Variants in STRN3 observed in about 807,000 individuals in gnomAD.
The protein encoded by STRN3 is striatin-3.
In STRN3, 29 loss-of-function variants were observed where a neutral mutation model predicts 95.6. The ratio of observed to expected loss-of-function variants is 0.30; its 90% CI spans 0.23 to 0.41. The LOEUF (loss-of-function observed/expected upper bound fraction) is 0.41, where lower values mean the gene tolerates loss of function less well. Ranked by LOEUF, STRN3 falls within the 10% of genes least tolerant of loss-of-function variation. STRN3 has a pLI of 1.00. For synonymous variants in STRN3, 331 were observed against 357.6 expected, an observed-to-expected ratio of 0.93 and a Z score of 0.84; for missense variants, 890 against 972.1, an observed-to-expected ratio of 0.92 and a Z score of 1.12.
At chr14:30,934,629 T>C (rs922166995) in intron 7 of STRN3, among the ~76,000 whole-genome samples, 15 of 152,276 alleles carry the variant, frequency 9.9e-5, no homozygotes, top group African/African-American at 3.4e-4. Context: ...CTGAATATTA[T>C]AGGCAATAAA....
At chr14:30,924,126 T>C (rs750752318) in intron 8 of STRN3, among the ~76,000 whole-genome samples, 1 of 150,606 alleles carries the variant, frequency 6.6e-6, no homozygotes, top group Non-Finnish European at 1.5e-5. Context: ...GACTGTACTG[T>C]GGTCATACAT....
intron 1 of STRN3, among the ~76,000 whole-genome samples, chr14:30,957,468 A>ATGAG (rs1555320672): frequency 7.2e-6 from 1 of 139,112 alleles, no homozygotes; most frequent in Non-Finnish European, 1.5e-5. Flanking sequence ...AAAAAAAAAA[A>ATGAG]AGAGAGAGAG....
intron 9 of STRN3, among the ~76,000 whole-genome samples, chr14:30,917,635 T>A (rs1896774636): frequency 6.6e-6 from 1 of 152,134 alleles, no homozygotes. Context: ...ATAGTGGAAA[T>A]GAGATCTGAA....
rs187750263 is a variant in STRN3 at position 30,934,417 on chromosome 14, T to G, written c.988+746A>C. ...TACCTACCACACAACATGCTGATAT[T>G]AAATGAGGATTGCATGAATGTATTT... On this transcript the variant is annotated intron_variant, in intron 7 of 17. Coordinates refer to ENST00000357479, the MANE Select transcript of STRN3 (RefSeq NM_001083893.2). Among the ~76,000 whole-genome samples, 4 of 152,354 alleles carry G rather than the reference T, an allele frequency of 2.6e-5. No individual in the cohort carries two copies. The East Asian group carries it at 7.7e-4, about 29-fold the overall frequency.
intron 1 of STRN3, among the ~76,000 whole-genome samples, chr14:30,961,750 C>T (rs987202580): frequency 5.9e-5 from 9 of 152,138 alleles, no homozygotes; most frequent in African/African-American, 1.7e-4. Flanking sequence ...GCTTAAGGCT[C>T]GGGCCACCAG....
intron 1 of STRN3, among the ~76,000 whole-genome samples, chr14:30,956,789 T>C (rs573618393): frequency 3.0e-4 from 45 of 152,316 alleles, no homozygotes; most frequent in Non-Finnish European, 6.3e-4. Context: ...TGTCCACAAG[T>C]AGATAAATAC....
Position 31,025,887 on chromosome 14 carries a change from C to T in STRN3, c.282+17G>A. ...CCCAGCCGCCGCAGCTCCCGCACAC[C>T]GACCCCAACGAGGTACCTGCAGTTC... is the stretch of plus-strand genomic sequence containing the variant. On this transcript the variant is annotated intron_variant, in intron 1 of 17. Transcript: ENST00000357479. 3 of 1,594,074 alleles carry T rather than the reference C, an allele frequency of 1.9e-6. No homozygotes were observed. The highest frequency in any genetic ancestry group is 4.6e-5 in the East Asian group (2 of 43,364).
intron 4 of STRN3, among the ~76,000 whole-genome samples, chr14:30,950,188 G>C (rs1879568944): frequency 6.6e-6 from 1 of 152,006 alleles, no homozygotes; most frequent in African/African-American, 2.4e-5. Context: ...AAAGTCAGAG[G>C]GCAAATAACA....
chr14:30,950,833 AAAG>A lies in STRN3; in HGVS notation c.542+27_542+29del, dbSNP rs1879602702. 7.5e-6 allele frequency: 12 copies of A among 1,599,312 alleles called. No homozygotes were observed. The East Asian group carries it at 2.7e-4, about 36-fold the overall frequency. On this transcript the variant is annotated intron_variant, in intron 4 of 17. Transcript: ENST00000357479. ...TAAGCACTTTCATACCTAGATCCTT[AAAG>A]AAGGTTGAAAATAAGTAATTACTCA...
chr14:30,967,242 G>A (rs908565024), intron 1 of STRN3, among the ~76,000 whole-genome samples: 1 of 142,024 alleles, frequency 7.0e-6, no homozygotes, highest in Non-Finnish European at 1.5e-5. Flanking sequence ...GGGGCAGGGT[G>A]GGGGGGAAGA....
chr14:30,965,528 A>G (rs1189717464), intron 1 of STRN3, among the ~76,000 whole-genome samples: 2 of 152,070 alleles, frequency 1.3e-5, no homozygotes, highest in Non-Finnish European at 1.5e-5. Flanking sequence ...TCTAAAAAAA[A>G]ACAAAAAGAG....
At chr14:31,016,484 T>C (rs1883240204) in intron 1 of STRN3, among the ~76,000 whole-genome samples, 1 of 152,074 alleles carries the variant, frequency 6.6e-6, no homozygotes, top group Middle Eastern at 3.4e-3. Context: ...TATCCAAGGG[T>C]TCCCCATTCA....
intron 1 of STRN3, among the ~76,000 whole-genome samples, chr14:31,019,744 C>T (rs549160198): frequency 3.3e-5 from 5 of 152,118 alleles, no homozygotes; most frequent in South Asian, 4.2e-4. Flanking sequence ...GAAGAGGCTC[C>T]ACAGCATTCA....
At chr14:31,007,890 T>G (rs1185080581) in intron 1 of STRN3, among the ~76,000 whole-genome samples, 5 of 152,262 alleles carry the variant, frequency 3.3e-5, no homozygotes, top group African/African-American at 1.2e-4. Flanking sequence ...AGACCCTGTC[T>G]CCGAAGTAAA....
At chr14:30,929,963 A>AAACAAAAC (rs1303910441) in intron 7 of STRN3, among the ~76,000 whole-genome samples, 1 of 147,428 alleles carries the variant, frequency 6.8e-6, no homozygotes, top group African/African-American at 2.5e-5. Context: ...GCAAAAAAAA[A>AAACAAAAC]AAAAAAAAAA....
chr14:30,946,980 A>C (rs1257253749), intron 5 of STRN3, 110 bp downstream of exon 5: 1 of 152,714 alleles, frequency 6.5e-6, no homozygotes. Context: ...ACTCCGTGTC[A>C]AAAAAAAAAA....
At chr14:30,900,764 GA>G (rs1566424678) in intron 16 of STRN3, among the ~76,000 whole-genome samples, 4 of 145,004 alleles carry the variant, frequency 2.8e-5, no homozygotes, top group Non-Finnish European at 6.1e-5. Flanking sequence ...AAAAAAAAAG[GA>G]TTTTTTTTTC....
intron 1 of STRN3, among the ~76,000 whole-genome samples, chr14:30,966,801 T>G (rs4981811): frequency 6.6e-6 from 1 of 151,872 alleles, no homozygotes; most frequent in Non-Finnish European, 1.5e-5. Context: ...CTACCTCATA[T>G]GGCTTAGAGC....
intron 15 of STRN3, among the ~76,000 whole-genome samples, chr14:30,903,904 G>A (rs1896391938): frequency 6.6e-6 from 1 of 152,106 alleles, no homozygotes; most frequent in African/African-American, 2.4e-5. Context: ...TGGTGGTAAT[G>A]GTATTATTAC....
Sources: allele counts gnomAD v4.1 joint callset (sites outside exome capture counted in the v4.1 genomes callset), GRCh38; gene constraint gnomAD v4.1.1; transcripts MANE v1.5; gene names NCBI Gene and HGNC (gene_info 2026-07-23, HGNC 2026-07-21).